RIC8B: variants seen among roughly 807,000 people sequenced by gnomAD.
RIC8B encodes the protein RIC8 guanine nucleotide exchange factor B.
In RIC8B, 16 loss-of-function variants were observed where a neutral mutation model predicts 57.5. That is an observed-to-expected ratio of 0.28 (90% CI 0.19 to 0.42). RIC8B has a LOEUF of 0.42. Among genes scored for constraint, RIC8B ranks in the 10% least tolerant of loss-of-function variants. The pLI, the probability that RIC8B is intolerant of heterozygous loss-of-function variation, is 1.00. For missense variants in RIC8B, 481 were observed against 677.0 expected (o/e 0.71, Z 3.21); for synonymous variants, 216 against 250.8 (o/e 0.86, Z 1.31).
chr12:106,811,485 T>C (rs1226284059), intron 2 of RIC8B, among the ~76,000 whole-genome samples: 6 of 152,218 alleles, frequency 3.9e-5, no homozygotes, highest in Non-Finnish European at 8.8e-5. Context: ...GTGATTATGA[T>C]GCATGATGAA....
chr12:106,778,416 A>G (rs545364194), intron 1 of RIC8B, among the ~76,000 whole-genome samples: 4 of 152,232 alleles, frequency 2.6e-5, no homozygotes, highest in Non-Finnish European at 4.4e-5. Context: ...CATAGGTCTC[A>G]GCATAGGCAA....
At chr12:106,779,725 G>A (rs1035083638) in intron 1 of RIC8B, among the ~76,000 whole-genome samples, 1 of 139,844 alleles carries the variant, frequency 7.2e-6, no homozygotes, top group African/African-American at 2.7e-5. Flanking sequence ...ATTGTTGGTT[G>A]AATCCACAGA....
chr12:106,883,939 C>T (rs916807517), intron 9 of RIC8B, among the ~76,000 whole-genome samples: 1 of 152,206 alleles, frequency 6.6e-6, no homozygotes, highest in African/African-American at 2.4e-5. Context: ...TCCCCAAACA[C>T]TGGGCCCTTT....
At position 106,887,372 on chromosome 12, in the gene RIC8B, C is replaced by G. The variant is rs1951226688; in HGVS notation, c.*1357C>G. 6.6e-6 allele frequency: 1 copy of G among 152,430 alleles called. No homozygotes were observed. Among genetic ancestry groups the G allele is most frequent in the South Asian group, 2.1e-4 (1 of 4,828 alleles). 9.4% of individuals were successfully genotyped at this position (152,430 alleles called of 1,614,324 possible). A position where few individuals can be genotyped will look rare whatever the true frequency, so the allele number is the denominator to read the frequency against. On this transcript the variant is annotated 3_prime_UTR_variant, in exon 10 of 10. Transcript: ENST00000392837. ...ATGCTTTTTTAAAGTGCTTTTACATCCATGGTCCCACTTCTAATAGCCTTT... is the reference window on the plus strand; with the variant it reads ...ATGCTTTTTTAAAGTGCTTTTACATGCATGGTCCCACTTCTAATAGCCTTT...
chr12:106,827,082 TAAATA>T (rs1193313084), intron 4 of RIC8B, among the ~76,000 whole-genome samples: 2 of 152,090 alleles, frequency 1.3e-5, no homozygotes, highest in Non-Finnish European at 2.9e-5. Context: ...CTCAAATAAA[TAAATA>T]AAATAGTTCA....
intron 5 of RIC8B, among the ~76,000 whole-genome samples, chr12:106,843,146 T>C (rs1427659371): frequency 6.6e-6 from 1 of 152,136 alleles, no homozygotes; most frequent in Non-Finnish European, 1.5e-5. Context: ...CCCCAAAAAC[T>C]TGCTAAATAC....
chr12:106,824,105 TC>T (rs1288244395), intron 3 of RIC8B, among the ~76,000 whole-genome samples: 1 of 152,162 alleles, frequency 6.6e-6, no homozygotes, highest in South Asian at 2.1e-4. Flanking sequence ...TTTTCCCCTT[TC>T]CCCCTACAAT....
At chr12:106,819,803 A>G (rs1333236599) in intron 3 of RIC8B, among the ~76,000 whole-genome samples, 4 of 148,506 alleles carry the variant, frequency 2.7e-5, no homozygotes, top group Non-Finnish European at 4.5e-5. Context: ...TATATAAAAT[A>G]TATAAAATAC....
intron 2 of RIC8B, among the ~76,000 whole-genome samples, chr12:106,784,860 A>G (rs958556434): frequency 3.9e-5 from 6 of 152,186 alleles, no homozygotes; most frequent in African/African-American, 1.4e-4. Context: ...CATACCTAAT[A>G]TCAGTGTCTT....
intron 5 of RIC8B, 125 bp from the exon 6 acceptor site, chr12:106,843,727 A>C (rs1320631815): frequency 7.6e-6 from 3 of 395,704 alleles, no homozygotes; most frequent in Non-Finnish European, 1.3e-5. Context: ...CTCTCCCAAA[A>C]AAAAAAAAAA....
At chr12:106,885,760 A>T in intron 9 of RIC8B, 144 bp from the exon 10 acceptor site, 1 of 596,404 alleles carries the variant, frequency 1.7e-6, no homozygotes, top group South Asian at 2.1e-5. Flanking sequence ...CCTATTACAA[A>T]CACACAGAGA....
chr12:106,805,455 C>A, intron 2 of RIC8B, among the ~76,000 whole-genome samples: 1 of 152,112 alleles, frequency 6.6e-6, no homozygotes, highest in Non-Finnish European at 1.5e-5. Flanking sequence ...CATAATGGCA[C>A]CACTGCACTC....
intron 8 of RIC8B, among the ~76,000 whole-genome samples, chr12:106,866,741 T>C (rs1017535473): frequency 2.0e-5 from 3 of 152,242 alleles, no homozygotes; most frequent in African/African-American, 7.2e-5. Flanking sequence ...ATATTTTAGA[T>C]GAAAATCTTG....
At chr12:106,837,663 A>G (rs2046676028) in intron 4 of RIC8B, among the ~76,000 whole-genome samples, 1 of 130,654 alleles carries the variant, frequency 7.7e-6, no homozygotes, top group African/African-American at 3.0e-5. Flanking sequence ...TTTTTTTGAC[A>G]GAGAGTCTCA....
chr12:106,873,952 C>A (rs1950556906), intron 9 of RIC8B, among the ~76,000 whole-genome samples: 1 of 152,122 alleles, frequency 6.6e-6, no homozygotes, highest in African/African-American at 2.4e-5. Flanking sequence ...CTACTTATTT[C>A]TTCTAAAGAG....
At position 106,775,224 on chromosome 12, in the gene RIC8B, T is replaced by C. The variant is rs1002177212; in HGVS notation, c.84+395T>C. The C allele has an allele frequency of 9.3e-6, 4 of 428,424 alleles. No homozygotes were observed. The Admixed American group carries it at 1.1e-4, about 11-fold the overall frequency. The allele number at this position is 428,424 out of a possible 1,614,324, so 26.5% of individuals were successfully genotyped here. On this transcript the variant is annotated intron_variant, in intron 1 of 9. Transcript: ENST00000392837. Reference sequence around the variant, plus strand: ...CCCTGCATAAACACGGCCCTTGACATGCATCAAATGTATCAGCAACGATGG... The same window carrying C: ...CCCTGCATAAACACGGCCCTTGACACGCATCAAATGTATCAGCAACGATGG...
chr12:106,881,882 C>T (rs547761025), intron 9 of RIC8B, among the ~76,000 whole-genome samples: 26 of 152,114 alleles, frequency 1.7e-4, no homozygotes, highest in Non-Finnish European at 3.5e-4. Context: ...GTAAATGATC[C>T]TCTCCTTCTA....
intron 2 of RIC8B, among the ~76,000 whole-genome samples, chr12:106,790,915 C>T (rs549937802): frequency 5.7e-4 from 86 of 152,202 alleles, no homozygotes; most frequent in African/African-American, 1.5e-3. Context: ...TCTGTGAAGC[C>T]GTAAGGTAAT....
At chr12:106,860,561 G>A (rs1949887857) in intron 8 of RIC8B, 149 bp downstream of exon 8, 3 of 556,258 alleles carry the variant, frequency 5.4e-6, no homozygotes, top group Non-Finnish European at 8.9e-6. Context: ...TTCATAGCTA[G>A]TGCTTTAGAG....
Sources: allele counts gnomAD v4.1 joint callset (sites outside exome capture counted in the v4.1 genomes callset), GRCh38; gene constraint gnomAD v4.1.1; transcripts MANE v1.5; gene names NCBI Gene and HGNC (gene_info 2026-07-23, HGNC 2026-07-21).